The following SUGCT variants were observed in gnomAD, a reference collection of about 807,000 sequenced individuals.
SUGCT encodes succinyl-CoA:glutarate CoA-transferase.
SUGCT carries 41 observed loss-of-function variants against 55.0 expected under a neutral mutation model. The ratio of observed to expected loss-of-function variants is 0.74; its 90% CI spans 0.58 to 0.97. The LOEUF (loss-of-function observed/expected upper bound fraction) is 0.97. Ranked by LOEUF, SUGCT falls within the 50% of genes least tolerant of loss-of-function variation. The probability of loss-of-function intolerance (pLI) is 0.00; values close to 1 mark genes in which losing one functional copy is unlikely to be tolerated. For synonymous variants in SUGCT, 187 were observed against 200.4 expected, an observed-to-expected ratio of 0.93 and a Z score of 0.56; for missense variants, 568 against 547.8, an observed-to-expected ratio of 1.04 and a Z score of -0.37.
intron 12 of SUGCT, among the ~76,000 whole-genome samples, chr7:40,713,307 T>C (rs1785826634): frequency 6.6e-6 from 1 of 152,182 alleles, no homozygotes; most frequent in African/African-American, 2.4e-5. Flanking sequence ...CCTGCAGGGC[T>C]CTGGGCTCAG....
At chr7:40,435,921 G>A (rs978866014) in intron 9 of SUGCT, among the ~76,000 whole-genome samples, 1 of 136,932 alleles carries the variant, frequency 7.3e-6, no homozygotes, top group African/African-American at 2.5e-5. Flanking sequence ...TTATCTTGCT[G>A]ACTGCTTTCT....
chr7:40,950,382 T>C, the SUGCT span, among the ~76,000 whole-genome samples: 4 of 152,330 alleles, frequency 2.6e-5, no homozygotes, highest in African/African-American at 9.6e-5. Context: ...TTTCTAGATA[T>C]ACAACCATGT....
At chr7:40,661,017 A>T (rs1193151897) in intron 12 of SUGCT, among the ~76,000 whole-genome samples, 1 of 152,142 alleles carries the variant, frequency 6.6e-6, no homozygotes, top group Non-Finnish European at 1.5e-5. Context: ...GCTCTTGAAC[A>T]ATGTCAGTGA....
chr7:40,210,483 T>A (rs1787271791), intron 6 of SUGCT, among the ~76,000 whole-genome samples: 2 of 145,410 alleles, frequency 1.4e-5, no homozygotes, highest in Admixed American at 1.3e-4. Flanking sequence ...TATATATGTG[T>A]ATATATATAT....
chr7:40,573,549 T>C (rs949726392), intron 12 of SUGCT, among the ~76,000 whole-genome samples: 3 of 152,210 alleles, frequency 2.0e-5, no homozygotes, highest in African/African-American at 7.2e-5. Context: ...ATAAGATTTA[T>C]AGGTGTATAA....
intron 12 of SUGCT, among the ~76,000 whole-genome samples, chr7:40,578,763 C>A (rs978873939): frequency 6.6e-6 from 1 of 152,118 alleles, no homozygotes; most frequent in Admixed American, 6.6e-5. Context: ...TCCAGTCATG[C>A]AATAAAAAAG....
intron 12 of SUGCT, among the ~76,000 whole-genome samples, chr7:40,652,296 A>G (rs1800815011): frequency 6.6e-6 from 1 of 152,112 alleles, no homozygotes; most frequent in Non-Finnish European, 1.5e-5. Context: ...TTATTCACCC[A>G]TTTTCTAACA....
At chr7:40,489,309 A>T (rs556969639) in intron 11 of SUGCT, among the ~76,000 whole-genome samples, 1 of 151,998 alleles carries the variant, frequency 6.6e-6, no homozygotes, top group South Asian at 2.1e-4. Flanking sequence ...ATTTTTAAAA[A>T]TTATTTTAAT....
At chr7:40,981,761 C>CAAGGTT in the SUGCT span, among the ~76,000 whole-genome samples, 14 of 152,298 alleles carry the variant, frequency 9.2e-5, no homozygotes, top group East Asian at 9.6e-4. Flanking sequence ...AGGTTCTTTG[C>CAAGGTT]CATTTTATGA....
chr7:40,630,831 G>T (rs1022987054), intron 12 of SUGCT, among the ~76,000 whole-genome samples: 1 of 148,308 alleles, frequency 6.7e-6, no homozygotes, highest in African/African-American at 2.5e-5. Context: ...TTTATAAACT[G>T]GTCTGTGTGT....
At chr7:40,844,823 G>A (rs938544423) in intron 13 of SUGCT, among the ~76,000 whole-genome samples, 1 of 152,210 alleles carries the variant, frequency 6.6e-6, no homozygotes, top group African/African-American at 2.4e-5. Flanking sequence ...TAGGCTGGCT[G>A]TAAAAAGTGA....
At chr7:40,259,962 C>G (rs561329979) in intron 7 of SUGCT, among the ~76,000 whole-genome samples, 50 of 152,294 alleles carry the variant, frequency 3.3e-4, no homozygotes, top group African/African-American at 1.2e-3. Context: ...AAGTATCCTT[C>G]ATCTGGAGAT....
chr7:40,141,710 CTTT>C (rs61007273), intron 1 of SUGCT: 174 of 149,976 alleles, frequency 1.2e-3, no homozygotes, highest in South Asian at 5.8e-3. Context: ...AGAGGGAATT[CTTT>C]TTTTTTTTTT....
At chr7:41,035,694 GTTGAT>G in the SUGCT span, among the ~76,000 whole-genome samples, 1 of 152,168 alleles carries the variant, frequency 6.6e-6, no homozygotes, top group Non-Finnish European at 1.5e-5. Context: ...TCTTAAAATG[GTTGAT>G]TTAAGTAAAA....
At chr7:40,925,346 G>A in the SUGCT span, among the ~76,000 whole-genome samples, 1 of 152,102 alleles carries the variant, frequency 6.6e-6, no homozygotes, top group African/African-American at 2.4e-5. Context: ...AATTTGAATT[G>A]TTTCAGGGAA....
At chr7:40,582,949 A>T (rs1203759664) in intron 12 of SUGCT, among the ~76,000 whole-genome samples, 2 of 152,204 alleles carry the variant, frequency 1.3e-5, no homozygotes, top group African/African-American at 2.4e-5. Context: ...TTTCATAAGC[A>T]ATTTTGGATC....
intron 9 of SUGCT, among the ~76,000 whole-genome samples, chr7:40,399,701 T>C (rs1785956629): frequency 6.6e-6 from 1 of 152,318 alleles, no homozygotes; most frequent in South Asian, 2.1e-4. Flanking sequence ...TTATTTTGCT[T>C]TTTGCTTTCC....
chr7:40,574,072 C>G (rs1418197187), intron 12 of SUGCT, among the ~76,000 whole-genome samples: 1 of 152,096 alleles, frequency 6.6e-6, no homozygotes, highest in Non-Finnish European at 1.5e-5. Context: ...TGCCCCCTAC[C>G]CCACTACATC....
intron 13 of SUGCT, among the ~76,000 whole-genome samples, chr7:40,792,580 C>A (rs566544713): frequency 4.3e-4 from 65 of 152,202 alleles, no homozygotes; most frequent in Non-Finnish European, 5.0e-4. Context: ...CTATCTGGTC[C>A]ATGTGACAAT....
Sources: gnomAD v4.1 joint callset for allele counts (sites outside exome capture counted in the v4.1 genomes callset) on GRCh38, gnomAD v4.1.1 for gene constraint, MANE v1.5 for transcripts, NCBI Gene and HGNC (gene_info 2026-07-23, HGNC 2026-07-21) for gene names.